MYT1L: variants seen among roughly 807,000 people sequenced by gnomAD.
MYT1L encodes the protein myelin transcription factor 1 like.
Under a neutral mutation model 126.7 loss-of-function variants are expected in MYT1L, and 12 were observed. That is an observed-to-expected ratio of 0.09 (90% CI 0.06 to 0.15). The LOEUF (loss-of-function observed/expected upper bound fraction) is 0.15. Among genes scored for constraint, MYT1L ranks in the 10% least tolerant of loss-of-function variants. The pLI, the probability that MYT1L is intolerant of heterozygous loss-of-function variation, is 1.00. For synonymous variants in MYT1L, 541 were observed against 604.2 expected, an observed-to-expected ratio of 0.90 and a Z score of 1.53; for missense variants, 979 against 1,585.2, an observed-to-expected ratio of 0.62 and a Z score of 6.49.
chr2:2,205,303 A>G (rs1170546781), intron 2 of MYT1L, among the ~76,000 whole-genome samples: 1 of 152,122 alleles, frequency 6.6e-6, no homozygotes, highest in Non-Finnish European at 1.5e-5. Flanking sequence ...ACAAAAAAAG[A>G]AAACAGTAAT....
chr2:2,179,070 A>C (rs2091133108), intron 2 of MYT1L, among the ~76,000 whole-genome samples: 1 of 152,136 alleles, frequency 6.6e-6, no homozygotes, highest in Admixed American at 6.6e-5. Context: ...CTGCTCTGGG[A>C]GCCCTTGAGC....
intron 3 of MYT1L, among the ~76,000 whole-genome samples, chr2:2,130,710 C>T (rs944470305): frequency 4.6e-5 from 7 of 152,104 alleles, no homozygotes; most frequent in Non-Finnish European, 7.3e-5. Context: ...CCACGGAATT[C>T]GCAGGAAGGA....
intron 14 of MYT1L, among the ~76,000 whole-genome samples, chr2:1,895,657 AC>A (rs1170458273): frequency 1.3e-5 from 2 of 152,214 alleles, no homozygotes; most frequent in Non-Finnish European, 2.9e-5. Context: ...ATGAAACTAG[AC>A]CCATACTTTT....
intron 3 of MYT1L, among the ~76,000 whole-genome samples, chr2:2,109,883 A>G (rs1359661953): frequency 1.9e-5 from 1 of 53,032 alleles, no homozygotes; most frequent in Non-Finnish European, 4.2e-5. Context: ...TTTTATATAT[A>G]TATATATATA....
In MYT1L at chr2:1,922,199, G is replaced by C; in HGVS notation, c.1483+87C>G. 1 of 1,504,114 alleles carries C rather than the reference G, an allele frequency of 6.6e-7. No homozygotes were observed. Among genetic ancestry groups the C allele is most frequent in the Non-Finnish European group, 9.0e-7 (1 of 1,114,312 alleles). 93.2% of individuals were successfully genotyped at this position (1,504,114 alleles called of 1,614,324 possible). ...GCAGTAGAGACATAATTCAGTGTGA[G>C]TCACACTTTAACTGTAGACTACCAC... On this transcript the variant is annotated intron_variant, in intron 10 of 24. Coordinates refer to ENST00000647738, the MANE Select transcript of MYT1L (RefSeq NM_001303052.2). The surrounding 1 kb of genome is among the most constrained non-coding windows in gnomAD (Gnocchi z 7.4).
chr2:2,092,997 CA>C (rs2077048766), intron 3 of MYT1L, among the ~76,000 whole-genome samples: 1 of 152,192 alleles, frequency 6.6e-6, no homozygotes, highest in Non-Finnish European at 1.5e-5. Context: ...GCACCACAAG[CA>C]TCGATTTTCA....
intron 8 of MYT1L, among the ~76,000 whole-genome samples, chr2:1,956,245 C>T (rs2058364910): frequency 1.5e-5 from 2 of 132,868 alleles, no homozygotes; most frequent in South Asian, 4.8e-4. Context: ...TCTATCTATC[C>T]TATTCTATAT....
intron 14 of MYT1L, among the ~76,000 whole-genome samples, chr2:1,898,877 C>A (rs1207633677): frequency 2.6e-5 from 4 of 152,140 alleles, no homozygotes; most frequent in South Asian, 4.1e-4. Context: ...GAGGTGCACT[C>A]CAGAGGAGTC....
chr2:2,001,057 TTTCATTCTTAATGCTTGACA>T (rs1253482823), intron 4 of MYT1L, among the ~76,000 whole-genome samples: 2 of 152,190 alleles, frequency 1.3e-5, no homozygotes, highest in African/African-American at 4.8e-5. Flanking sequence ...GTCAACCTTT[TTTCATTCTTAATGCTTGACA>T]TTCGTGCCCC....
chr2:2,253,444 G>T (rs770514846), intron 2 of MYT1L, among the ~76,000 whole-genome samples: 3 of 152,196 alleles, frequency 2.0e-5, no homozygotes, highest in Non-Finnish European at 4.4e-5. Context: ...GTAATGGCGT[G>T]GCCCAGAGTC....
intron 3 of MYT1L, among the ~76,000 whole-genome samples, chr2:2,070,394 G>C (rs905362890): frequency 6.6e-6 from 1 of 152,198 alleles, no homozygotes; most frequent in South Asian, 2.1e-4. Flanking sequence ...CGCTCAGGGT[G>C]GGGGAAGCCA....
Position 1,942,989 on chromosome 2 carries a change from TTCTTCC to T in MYT1L, c.492_497del (p.Glu166_Glu167del). 3 of 1,536,306 alleles carry T rather than the reference TTCTTCC, an allele frequency of 2.0e-6. No individual in the cohort carries two copies. The highest frequency in any genetic ancestry group is 2.6e-6 in the Non-Finnish European group (3 of 1,138,492). ...TAATATTTTAAAGATTACCGTTTTC[TTCTTCC>T]TCTTCCTCCTCCTCCTCCTCCTCCT... On this transcript the variant is annotated inframe_deletion, in exon 9 of 25. Transcript: ENST00000647738.
At chr2:2,257,731 G>T (rs1484789162) in intron 2 of MYT1L, among the ~76,000 whole-genome samples, 1 of 147,442 alleles carries the variant, frequency 6.8e-6, no homozygotes, top group South Asian at 2.1e-4. Flanking sequence ...CACTGCTCAA[G>T]GAAATAAAAG....
rs959730934 is a variant in MYT1L, at chr2:2,145,489, A to G, written c.-304+27383T>C. Reference sequence around the variant, plus strand: ...TCTAAACTTGCCACACCATGATATCATGGTGGGATACAAAGGGTGTCCACA... The same window carrying G: ...TCTAAACTTGCCACACCATGATATCGTGGTGGGATACAAAGGGTGTCCACA... On this transcript the variant is annotated intron_variant, in intron 3 of 24. Coordinates refer to ENST00000647738, the MANE Select transcript of MYT1L (RefSeq NM_001303052.2). Among the ~76,000 whole-genome samples the G allele has an allele frequency of 2.0e-5, 3 of 152,126 alleles. No homozygotes were observed. In the East Asian group the frequency reaches 5.8e-4, roughly 29 times the overall value.
chr2:2,155,539 A>T (rs187801509), intron 3 of MYT1L, among the ~76,000 whole-genome samples: 8 of 152,274 alleles, frequency 5.3e-5, no homozygotes, highest in Non-Finnish European at 1.0e-4. Flanking sequence ...ATGAAGTCAA[A>T]CTTGTTCAAA....
intron 5 of MYT1L, among the ~76,000 whole-genome samples, chr2:1,991,136 A>C (rs1183065875): frequency 1.3e-5 from 2 of 152,118 alleles, no homozygotes; most frequent in Non-Finnish European, 2.9e-5. Context: ...CTCTCATTCA[A>C]TATCCCCTTC....
At chr2:2,284,727 G>T (rs926092450) in intron 1 of MYT1L, among the ~76,000 whole-genome samples, 1 of 151,954 alleles carries the variant, frequency 6.6e-6, no homozygotes, top group Non-Finnish European at 1.5e-5. Flanking sequence ...TTTTTTTTGA[G>T]ACAGAGTCTT....
intron 13 of MYT1L, among the ~76,000 whole-genome samples, chr2:1,903,767 A>T (rs2148963953): frequency 6.6e-6 from 1 of 152,366 alleles, no homozygotes; most frequent in South Asian, 2.1e-4. Context: ...ATCAAAATGT[A>T]CCTAACTGGA....
intron 2 of MYT1L, among the ~76,000 whole-genome samples, chr2:2,212,592 A>G (rs1299862574): frequency 6.6e-6 from 1 of 152,182 alleles, no homozygotes; most frequent in Non-Finnish European, 1.5e-5. Flanking sequence ...AGTTGTATAG[A>G]CGGGATTAGT....
Sources: allele counts gnomAD v4.1 joint callset (sites outside exome capture counted in the v4.1 genomes callset), GRCh38; gene constraint gnomAD v4.1.1; non-coding constraint Gnocchi (gnomAD v3.1); transcripts MANE v1.5; gene names NCBI Gene and HGNC (gene_info 2026-07-23, HGNC 2026-07-21).